Variants in ABCA13 observed in about 807,000 individuals in gnomAD.
The protein encoded by ABCA13 is ATP binding cassette subfamily A member 13, also known as ATP-binding cassette sub-family A member 13.
A neutral mutation model predicts 478.7 loss-of-function variants in ABCA13; 476 were observed. That is an observed-to-expected ratio of 0.99 (90% CI 0.92 to 1.07). The LOEUF (loss-of-function observed/expected upper bound fraction) is 1.07. Among genes scored for constraint, ABCA13 ranks in the 50% least tolerant of loss-of-function variants. The probability of loss-of-function intolerance (pLI) is 0.00; values close to 1 mark genes in which losing one functional copy is unlikely to be tolerated. For missense variants in ABCA13, 6,060 were observed against 5,910.6 expected, an observed-to-expected ratio of 1.03 and a Z score of -0.83; for synonymous variants, 2,252 against 2,158.9, an observed-to-expected ratio of 1.04 and a Z score of -1.20.
chr7:48,384,720 A>G (rs1262601707), intron 35 of ABCA13, among the ~76,000 whole-genome samples: 1 of 152,218 alleles, frequency 6.6e-6, no homozygotes, highest in Non-Finnish European at 1.5e-5. Context: ...CTGCCATAAC[A>G]AAGTACCACA....
intron 42 of ABCA13, among the ~76,000 whole-genome samples, chr7:48,437,698 G>A (rs1218569140): frequency 2.6e-5 from 4 of 152,002 alleles, no homozygotes; most frequent in African/African-American, 9.7e-5. Flanking sequence ...TGGGAACTGT[G>A]CACTTGATAA....
At chr7:48,280,014 G>A in intron 18 of ABCA13, 94 bp downstream of exon 18, 1 of 1,288,844 alleles carries the variant, frequency 7.8e-7, no homozygotes, top group South Asian at 2.6e-5. Flanking sequence ...GGGGTAAGTA[G>A]TTCTTCTTGA....
intron 3 of ABCA13, among the ~76,000 whole-genome samples, chr7:48,210,999 C>A (rs922552639): frequency 6.6e-6 from 1 of 152,044 alleles, no homozygotes; most frequent in African/African-American, 2.4e-5. Flanking sequence ...TTAATATTTG[C>A]TTTTTATATA....
At chr7:48,478,870 G>C (rs1337661353) in intron 45 of ABCA13, among the ~76,000 whole-genome samples, 1 of 151,948 alleles carries the variant, frequency 6.6e-6, no homozygotes, top group Non-Finnish European at 1.5e-5. Flanking sequence ...ACCACATTTT[G>C]GGGTATTGTT....
At chr7:48,607,376 A>G (rs1170018034) in intron 58 of ABCA13, among the ~76,000 whole-genome samples, 1 of 151,916 alleles carries the variant, frequency 6.6e-6, no homozygotes, top group Non-Finnish European at 1.5e-5. Flanking sequence ...GGCTGCACCC[A>G]CTGTCCAACC....
intron 55 of ABCA13, among the ~76,000 whole-genome samples, chr7:48,548,226 C>T (rs1784995815): frequency 1.3e-5 from 2 of 151,866 alleles, no homozygotes; most frequent in South Asian, 4.1e-4. Context: ...ATATTCCTAT[C>T]CCGATATGCC....
In ABCA13 at chr7:48,241,055, A is replaced by T. The variant is rs1034964332; in HGVS notation, c.1251A>T (p.Thr417=). 1.9e-6 allele frequency: 3 copies of T among 1,613,896 alleles called. No individual in the cohort carries two copies. The African/African-American group carries it at 4.0e-5, about 22-fold the overall frequency. The change falls in exon 10 of 62, where the codon ACA becomes ACT. Residue 417 remains threonine, a synonymous_variant. Transcript: ENST00000435803. ...CAGATGGCCCAAAAGATAATCATAC[A>T]TTTCCAAAGATGTAAGTCGCATTTC... The part of the protein sequence containing the change: ...LSADGPKDNH[T]FPKILQHLWK...
At chr7:48,323,054 G>A (rs966667103) in intron 27 of ABCA13, among the ~76,000 whole-genome samples, 2 of 152,158 alleles carry the variant, frequency 1.3e-5, no homozygotes, top group African/African-American at 4.8e-5. Flanking sequence ...GTGGTATTCT[G>A]TGGTGTGGAT....
intron 31 of ABCA13, among the ~76,000 whole-genome samples, chr7:48,362,985 T>G (rs1811121369): frequency 6.6e-6 from 1 of 152,178 alleles, no homozygotes; most frequent in Non-Finnish European, 1.5e-5. Context: ...ATTTCTGCAT[T>G]TCAGGGAATA....
chr7:48,583,471 G>A (rs943767233), intron 56 of ABCA13, among the ~76,000 whole-genome samples: 2 of 152,188 alleles, frequency 1.3e-5, no homozygotes, highest in Non-Finnish European at 2.9e-5. Flanking sequence ...AGATGTATGT[G>A]TGAATCTCAG....
chr7:48,588,802 T>C (rs534496489), intron 57 of ABCA13, among the ~76,000 whole-genome samples: 19 of 152,326 alleles, frequency 1.2e-4, no homozygotes, highest in Admixed American at 9.2e-4. Flanking sequence ...TTAAAGAGAT[T>C]TGTTGCCAGG....
rs141483430 is a variant in ABCA13 at position 48,475,299 on chromosome 7, G to A, written c.12975+3700G>A. ...TCAAAGGAGACGTACACAAAGCTGT[G>A]TGGAAGGAAGGCCTATAGACCCAAG... On this transcript the variant is annotated intron_variant, in intron 45 of 61. Transcript: ENST00000435803. Among the ~76,000 whole-genome samples, 177 of 152,236 alleles carry A rather than the reference G, an allele frequency of 1.2e-3. 1 individual carries two copies. Among genetic ancestry groups the A allele is most frequent in the African/African-American group, 3.9e-3 (163 of 41,538 alleles).
intron 1 of ABCA13, among the ~76,000 whole-genome samples, chr7:48,185,208 T>G (rs1482766377): frequency 1.3e-5 from 2 of 152,196 alleles, no homozygotes; most frequent in Non-Finnish European, 2.9e-5. Context: ...GTCAACCACC[T>G]TTCTCATACA....
intron 21 of ABCA13, 106 bp downstream of exon 21, chr7:48,295,969 C>G (rs568382701): frequency 7.7e-7 from 1 of 1,293,452 alleles, no homozygotes; most frequent in African/African-American, 1.5e-5. Context: ...GTATAATATA[C>G]TCTTAATGTG....
chr7:48,380,408 G>A (rs115741880), intron 35 of ABCA13, among the ~76,000 whole-genome samples: 2,333 of 152,266 alleles, frequency 0.015, 55 homozygotes, highest in African/African-American at 0.053. Context: ...TATTGATGGC[G>A]TTGTTTTCCA....
intron 9 of ABCA13, among the ~76,000 whole-genome samples, chr7:48,240,112 T>G (rs1296757519): frequency 6.6e-6 from 1 of 152,244 alleles, no homozygotes; most frequent in Non-Finnish European, 1.5e-5. Flanking sequence ...TTTAACTTTG[T>G]TCTCCGCTAA....
chr7:48,638,453 T>C (rs766743354), intron 59 of ABCA13, among the ~76,000 whole-genome samples: 70 of 152,224 alleles, frequency 4.6e-4, no homozygotes, highest in Non-Finnish European at 9.1e-4. Flanking sequence ...AGAAGTGTAT[T>C]GAGGCTGTTT....
intron 52 of ABCA13, 113 bp downstream of exon 52, chr7:48,516,994 G>T: frequency 8.5e-7 from 1 of 1,171,828 alleles, no homozygotes; most frequent in Non-Finnish European, 1.2e-6. Context: ...AAATGCATTG[G>T]TATCCACTGT....
chr7:48,564,019 C>T (rs1217349712), intron 55 of ABCA13, among the ~76,000 whole-genome samples: 1 of 152,066 alleles, frequency 6.6e-6, no homozygotes, highest in East Asian at 1.9e-4. Flanking sequence ...CCTAACTCCA[C>T]ATGTCATCTC....
Sources: gnomAD v4.1 joint callset for allele counts (sites outside exome capture counted in the v4.1 genomes callset) on GRCh38, gnomAD v4.1.1 for gene constraint, MANE v1.5 for transcripts, NCBI Gene and HGNC (gene_info 2026-07-23, HGNC 2026-07-21) for gene names.